ZNF649: variants seen among roughly 807,000 people sequenced by gnomAD.
ZNF649 encodes the protein zinc finger protein 649.
Under a neutral mutation model 14.1 loss-of-function variants are expected in ZNF649, and 7 were observed. The ratio of observed to expected loss-of-function variants is 0.49; its 90% CI spans 0.28 to 0.93. The LOEUF is 0.93. Ranked by LOEUF, ZNF649 falls within the 40% of genes least tolerant of loss-of-function variation. The pLI, the probability that ZNF649 is intolerant of heterozygous loss-of-function variation, is 0.10. For synonymous variants in ZNF649, 227 were observed against 212.3 expected (o/e 1.07, Z -0.60); for missense variants, 544 against 608.1 (o/e 0.89, Z 1.11).
Position 51,900,111 on chromosome 19 carries a change from C to T in ZNF649, c.-4G>A, listed in dbSNP as rs1261651680. 1 of 1,512,430 alleles carries T rather than the reference C, an allele frequency of 6.6e-7. No individual in the cohort carries two copies. Among genetic ancestry groups the T allele is most frequent in the Admixed American group, 2.0e-5 (1 of 49,298 alleles). 93.7% of individuals were successfully genotyped at this position (1,512,430 alleles called of 1,614,324 possible). ...AAGTTACCTGGGCCTTTGTCATTTT[C>T]TTCTGTTTCAGGAAATACCCAAGAA... On this transcript the variant is annotated 5_prime_UTR_variant, in exon 2 of 5. Coordinates refer to ENST00000354957, the MANE Select transcript of ZNF649 (RefSeq NM_023074.4).
At position 51,900,234 on chromosome 19, in the gene ZNF649, C is replaced by G; in HGVS notation, c.-127G>C. 1 of 726,876 alleles carries G rather than the reference C, an allele frequency of 1.4e-6. No homozygotes were observed. The highest frequency in any genetic ancestry group is 2.1e-6 in the Non-Finnish European group (1 of 481,120). The allele number at this position is 726,876 out of a possible 1,614,324, so 45.0% of individuals were successfully genotyped here. ...AGAGTGTTCCCAGAAATGATGACAT[C>G]CACATCCAGGAACCTCCTCCTTCCT... On this transcript the variant is annotated 5_prime_UTR_variant, in exon 2 of 5. Coordinates refer to ENST00000354957, the MANE Select transcript of ZNF649 (RefSeq NM_023074.4).
intron 4 of ZNF649, among the ~76,000 whole-genome samples, chr19:51,893,890 A>G (rs2085041111): frequency 6.6e-6 from 1 of 152,192 alleles, no homozygotes; most frequent in South Asian, 2.1e-4. Context: ...AACATCAGCT[A>G]TACAGTATGA....
At chr19:51,893,191 T>C (rs756646161) in intron 4 of ZNF649, among the ~76,000 whole-genome samples, 2 of 152,176 alleles carry the variant, frequency 1.3e-5, no homozygotes, top group Non-Finnish European at 2.9e-5. Context: ...CCTGCTAGCA[T>C]ACAGTCAAAT....
chr19:51,895,312 C>G, intron 4 of ZNF649, among the ~76,000 whole-genome samples: 1 of 151,984 alleles, frequency 6.6e-6, no homozygotes, highest in Non-Finnish European at 1.5e-5. Context: ...AATCACATAC[C>G]GATGCCTCAG....
At chr19:51,892,247 G>A (rs113726401) in intron 4 of ZNF649, among the ~76,000 whole-genome samples, 2,920 of 152,028 alleles carry the variant, frequency 0.019, 93 homozygotes, top group African/African-American at 0.067. Context: ...GTGGTGGCAC[G>A]TGCCTGTAGT....
rs574837286 is a variant in ZNF649 at position 51,900,246 on chromosome 19, AC to A, written c.-140del. Reference sequence around the variant, plus strand: ...GAAATGATGACATCCACATCCAGGAACCTCCTCCTTCCTTCATTTGAACTCT... The same window carrying A: ...GAAATGATGACATCCACATCCAGGAACTCCTCCTTCCTTCATTTGAACTCT... On this transcript the variant is annotated 5_prime_UTR_variant, in exon 2 of 5. The change creates a premature stop within an existing upstream ORF in the 5' untranslated region. Transcript: ENST00000354957. 1.9e-3 allele frequency: 1,176 copies of A among 623,932 alleles called. 1 individual carries two copies. The highest frequency in any genetic ancestry group is 2.7e-3 in the Non-Finnish European group (1,053 of 390,992). The allele number at this position is 623,932 out of a possible 1,614,324, so 38.6% of individuals were successfully genotyped here. A position where few individuals can be genotyped will look rare whatever the true frequency, so the allele number is the denominator to read the frequency against.
At chr19:51,896,441 C>A in intron 4 of ZNF649, 31 bp downstream of exon 4, 2 of 1,597,168 alleles carry the variant, frequency 1.3e-6, no homozygotes, top group Non-Finnish European at 1.7e-6. Context: ...CTTCCGCTGC[C>A]TTCCCCTCTT....
At position 51,891,098 on chromosome 19, in the gene ZNF649, A is replaced by G. The variant is rs761182220; in HGVS notation, c.1038T>C (p.Tyr346=). The change falls in exon 5 of 5, where the codon TAT becomes TAC. Residue 346 remains tyrosine (Y), a synonymous_variant. Coordinates refer to ENST00000354957, the MANE Select transcript of ZNF649 (RefSeq NM_023074.4). The surrounding 1 kb of genome is among the most constrained non-coding windows in gnomAD (Gnocchi z 4.2). Reference sequence around the variant, plus strand: ...AGGCCTTGCCACAGTCAATGCATCCATAAGGTTTCTCTCCAGTGTGAGTTC... The same window carrying G: ...AGGCCTTGCCACAGTCAATGCATCCGTAAGGTTTCTCTCCAGTGTGAGTTC... ...HQRTHTGEKP[Y]GCIDCGKAFS... is the part of the protein sequence containing the mutation. 4 of 1,614,222 alleles carry G rather than the reference A, an allele frequency of 2.5e-6. No homozygotes were observed. Among genetic ancestry groups the G allele is most frequent in the Non-Finnish European group, 8.5e-7 (1 of 1,180,024 alleles).
chr19:51,896,067 T>C (rs1234965513), intron 4 of ZNF649: 3 of 179,564 alleles, frequency 1.7e-5, no homozygotes, highest in African/African-American at 7.2e-5. Context: ...TTGCCTGGGC[T>C]GTGAGAAAAC....
At chr19:51,901,950 C>CAA (rs35820639) in intron 1 of ZNF649, among the ~76,000 whole-genome samples, 1,643 of 63,534 alleles carry the variant, frequency 0.026, 59 homozygotes, top group African/African-American at 0.073. Flanking sequence ...GACTCTGTAT[C>CAA]AAAAAAAAAA....
chr19:51,896,815 G>A, intron 3 of ZNF649, 37 bp downstream of exon 3: 1 of 1,614,116 alleles, frequency 6.2e-7, no homozygotes, highest in Non-Finnish European at 8.5e-7. Flanking sequence ...GCCACTGACT[G>A]GGTACCCTCT....
chr19:51,898,180 A>ATGCCAAC (rs1449613772), intron 2 of ZNF649, among the ~76,000 whole-genome samples: 1 of 151,550 alleles, frequency 6.6e-6, no homozygotes, highest in Non-Finnish European at 1.5e-5. Flanking sequence ...ACTTTCTCTG[A>ATGCCAAC]TGCCAACTGG....
At chr19:51,901,268 A>T (rs1054166109) in intron 1 of ZNF649, among the ~76,000 whole-genome samples, 2 of 152,184 alleles carry the variant, frequency 1.3e-5, no homozygotes, top group African/African-American at 2.4e-5. Flanking sequence ...GTTTGAAAAA[A>T]ACAGCTTAGG....
Position 51,890,731 on chromosome 19 carries a change from C to T in ZNF649, c.1405G>A (p.Ala469Thr), listed in dbSNP as rs1433083. ...DSVKVENPST[A>T]SHSLSPSEHV... Reference sequence around the variant, plus strand: ...TCACTAGGACTTAAGCTGTGACTTGCTGTGGAAGGATTTTCCACCTTCACT... The same window carrying T: ...TCACTAGGACTTAAGCTGTGACTTGTTGTGGAAGGATTTTCCACCTTCACT... Residue 469 changes from alanine (A) to threonine (T), a missense_variant, in exon 5 of 5, where the codon GCA becomes ACA. Coordinates refer to ENST00000354957, the MANE Select transcript of ZNF649 (RefSeq NM_023074.4). 0.034 allele frequency: 55,621 copies of T among 1,614,132 alleles called. 3,413 individuals carry two copies. Among genetic ancestry groups the T allele is most frequent in the South Asian group, 0.2 (18,416 of 91,076 alleles).
chr19:51,896,585 G>A lies in ZNF649; in HGVS notation c.143-18C>T, dbSNP rs756114539. On this transcript the variant is annotated intron_variant, in intron 3 of 4. Coordinates refer to ENST00000354957, the MANE Select transcript of ZNF649 (RefSeq NM_023074.4). ...TTGATACCCTGTTTGTGGGAAATGGGAGAAGACTTAGGCTCACTGAATTGC... is the reference window on the plus strand; with the variant it reads ...TTGATACCCTGTTTGTGGGAAATGGAAGAAGACTTAGGCTCACTGAATTGC... 3.1e-6 allele frequency: 5 copies of A among 1,613,360 alleles called. No individual in the cohort carries two copies. In the South Asian group the frequency reaches 4.4e-5, roughly 14 times the overall value.
intron 1 of ZNF649, among the ~76,000 whole-genome samples, chr19:51,902,574 C>T (rs2085100896): frequency 1.3e-5 from 2 of 152,202 alleles, no homozygotes; most frequent in Non-Finnish European, 2.9e-5. Context: ...TTTACATAAA[C>T]ATGCTCTTTG....
chr19:51,897,842 C>T (rs2085072411), intron 2 of ZNF649, among the ~76,000 whole-genome samples: 2 of 152,106 alleles, frequency 1.3e-5, no homozygotes, highest in Admixed American at 1.3e-4. Context: ...ATCCATGAGG[C>T]CGGGCATGAT....
rs2085115038 is a variant in ZNF649, at chr19:51,904,935, C to T, written c.-209G>A. The T allele has an allele frequency of 6.6e-6, 1 of 152,576 alleles. No homozygotes were observed. The highest frequency in any genetic ancestry group is 2.4e-5 in the African/African-American group (1 of 41,524). The allele number at this position is 152,576 out of a possible 1,614,324, so 9.5% of individuals were successfully genotyped here. A position where few individuals can be genotyped will look rare whatever the true frequency, so the allele number is the denominator to read the frequency against. On this transcript the variant is annotated 5_prime_UTR_variant, in exon 1 of 5. Coordinates refer to ENST00000354957, the MANE Select transcript of ZNF649 (RefSeq NM_023074.4). ...TCACCTGATTTTCTTCTGGCTACAC[C>T]TAAATTCCCTGAATGCTTCCTTTCC... is the stretch of plus-strand genomic sequence containing the variant.
At chr19:51,898,707 T>G (rs901824499) in intron 2 of ZNF649, among the ~76,000 whole-genome samples, 4 of 150,966 alleles carry the variant, frequency 2.6e-5, no homozygotes, top group African/African-American at 9.8e-5. Flanking sequence ...GGTCAAGAGA[T>G]CGAGACCATC....
Sources: gnomAD v4.1 joint callset for allele counts (sites outside exome capture counted in the v4.1 genomes callset) on GRCh38, gnomAD v4.1.1 for gene constraint, Gnocchi (gnomAD v3.1) non-coding constraint, MANE v1.5 for transcripts, NCBI Gene and HGNC (gene_info 2026-07-23, HGNC 2026-07-21) for gene names.